DEAF1: variants seen among roughly 807,000 people sequenced by gnomAD.
DEAF1 encodes the protein DEAF1 transcription factor.
A neutral mutation model predicts 58.9 loss-of-function variants in DEAF1; 53 were observed. The ratio of observed to expected loss-of-function variants is 0.90; its 90% CI spans 0.72 to 1.13. The LOEUF (loss-of-function observed/expected upper bound fraction) is 1.13, where lower values mean the gene tolerates loss of function less well. Ranked by LOEUF, DEAF1 falls within the 50% of genes most tolerant of loss-of-function variation. The probability of loss-of-function intolerance (pLI) is 0.00; values close to 1 mark genes in which losing one functional copy is unlikely to be tolerated. For missense variants in DEAF1, 685 were observed against 791.4 expected, an observed-to-expected ratio of 0.87 and a Z score of 1.61; for synonymous variants, 385 against 340.4, an observed-to-expected ratio of 1.13 and a Z score of -1.44.
intron 6 of DEAF1, among the ~76,000 whole-genome samples, chr11:683,351 A>T (rs890418854): frequency 1.3e-5 from 2 of 152,122 alleles, no homozygotes; most frequent in African/African-American, 4.8e-5. Flanking sequence ...TCATTTTTGT[A>T]CCAAGTGTGA....
rs1213375052 is a variant in DEAF1 at position 679,695 on chromosome 11, C to G, written c.1119G>C (p.Gly373=). The G allele has an allele frequency of 1.2e-6, 2 of 1,612,262 alleles. No homozygotes were observed. Among genetic ancestry groups the G allele is most frequent in the South Asian group, 2.2e-5 (2 of 91,086 alleles). The change falls in exon 8 of 12, where the codon GGG becomes GGC. Residue 373 remains glycine, a synonymous_variant. Coordinates refer to ENST00000382409, the MANE Select transcript of DEAF1 (RefSeq NM_021008.4). ...GGCACTGGAGCAGCTCACCTGTGGCCCCTGCGAAGACGTCGCCCTGGGCCG... is the reference window on the plus strand; with the variant it reads ...GGCACTGGAGCAGCTCACCTGTGGCGCCTGCGAAGACGTCGCCCTGGGCCG... The part of the protein sequence containing the change: ...ESPAQGDVFA[G]ATVQEASVQP...
intron 10 of DEAF1, chr11:673,894 T>A (rs1859939604): frequency 6.3e-6 from 1 of 157,858 alleles, no homozygotes. Flanking sequence ...TGAACCTTTA[T>A]ATTACCTCAA....
chr11:704,070 A>G (rs1861617784), intron 1 of DEAF1: 2 of 1,135,158 alleles, frequency 1.8e-6, no homozygotes, highest in Non-Finnish European at 2.2e-6. Context: ...ACACCCAAAT[A>G]TCTAGATATT....
chr11:702,836 C>G (rs144092442), intron 1 of DEAF1: 1 of 1,087,140 alleles, frequency 9.2e-7, no homozygotes, highest in Non-Finnish European at 1.3e-6. Flanking sequence ...CCCGGAGGAA[C>G]GTAGGGCAAG....
intron 1 of DEAF1, chr11:702,906 C>T (rs1861560779): frequency 6.4e-7 from 1 of 1,552,264 alleles, no homozygotes; most frequent in Non-Finnish European, 8.8e-7. Context: ...CCAGGGAGCG[C>T]CTCGCACCAC....
Position 684,935 on chromosome 11 carries a change from G to A in DEAF1, c.833C>T (p.Ser278Phe). 3.2e-6 allele frequency: 5 copies of A among 1,551,650 alleles called. No individual in the cohort carries two copies. The highest frequency in any genetic ancestry group is 3.5e-6 in the Non-Finnish European group (4 of 1,146,996). Residue 278 changes from serine to phenylalanine, a missense_variant, in exon 6 of 12, where the codon TCT (serine) becomes TTT (phenylalanine). Physicochemically the swap from Ser to Phe is radical, Grantham distance 155 (BLOSUM62 -2). Transcript: ENST00000382409. ...QDGILNPHAA[S>F]CTCAACCDDM... Reference sequence around the variant, plus strand: ...GTCGCAGCAGGCAGCACAGGTGCAAGAGGCAGCGTGAGGGTTTAAGATCCC... The same window carrying A: ...GTCGCAGCAGGCAGCACAGGTGCAAAAGGCAGCGTGAGGGTTTAAGATCCC...
intron 10 of DEAF1, among the ~76,000 whole-genome samples, chr11:672,676 G>T (rs768305799): frequency 6.6e-6 from 1 of 151,952 alleles, no homozygotes; most frequent in Non-Finnish European, 1.5e-5. Context: ...GTGAAACCCC[G>T]TCTCTACTAA....
chr11:695,755 G>A (rs1861102978), upstream of DEAF1: 15 of 1,239,224 alleles, frequency 1.2e-5, no homozygotes, highest in Non-Finnish European at 1.4e-5. Context: ...ACGCGAAAAT[G>A]GCCGAAGGAG....
intron 10 of DEAF1, chr11:666,141 C>A (rs1859512394): frequency 6.6e-6 from 1 of 152,274 alleles, no homozygotes; most frequent in Non-Finnish European, 1.5e-5. Flanking sequence ...CTTCGCAGAT[C>A]CAAGACTAAG....
chr11:700,225 C>G (rs748320800), intron 1 of DEAF1: 2 of 1,613,750 alleles, frequency 1.2e-6, no homozygotes, highest in South Asian at 2.2e-5. Flanking sequence ...TCCTGATGAT[C>G]ACGTATAAAA....
chr11:694,475 G>A (rs1022238290), intron 1 of DEAF1: 2 of 336,266 alleles, frequency 5.9e-6, no homozygotes, highest in Non-Finnish European at 1.1e-5. Flanking sequence ...ACCTGGAGCA[G>A]GTACGTGGGG....
chr11:706,998 G>A (rs1245811813), exon 1 of DEAF1, among the ~76,000 whole-genome samples: 2 of 152,012 alleles, frequency 1.3e-5, no homozygotes, highest in Admixed American at 1.3e-4. Context: ...GGGTGTCCCT[G>A]GTGGCAGGGG....
intron 10 of DEAF1, among the ~76,000 whole-genome samples, chr11:654,946 G>A (rs548875223): frequency 5.9e-5 from 9 of 151,478 alleles, no homozygotes; most frequent in Admixed American, 2.0e-4. Context: ...TGAGGTGGGC[G>A]GATCACGAAG....
intron 10 of DEAF1, among the ~76,000 whole-genome samples, chr11:655,572 G>A (rs550262862): frequency 6.5e-4 from 99 of 152,324 alleles, no homozygotes; most frequent in Non-Finnish European, 1.1e-3. Context: ...CAGTGGGTGA[G>A]TGGCAGCGTC....
chr11:684,045 A>G (rs1285883577), intron 6 of DEAF1, among the ~76,000 whole-genome samples: 2 of 152,038 alleles, frequency 1.3e-5, no homozygotes, highest in Admixed American at 6.6e-5. Context: ...CTAGAATCAC[A>G]TGAAATCTAT....
chr11:694,671 C>G, intron 1 of DEAF1, 88 bp downstream of exon 1: 1 of 1,212,070 alleles, frequency 8.3e-7, no homozygotes, highest in Non-Finnish European at 1.0e-6. Flanking sequence ...GTGTGGCGGG[C>G]TGGTCACCTG....
At chr11:652,783 C>A (rs983745785) in intron 11 of DEAF1, among the ~76,000 whole-genome samples, 12 of 151,896 alleles carry the variant, frequency 7.9e-5, no homozygotes, top group Non-Finnish European at 1.6e-4. Context: ...AAAAAACCAT[C>A]AAAAAGATTA....
chr11:702,997 C>G (rs1353963167), intron 1 of DEAF1: 1 of 1,612,004 alleles, frequency 6.2e-7, no homozygotes, highest in South Asian at 1.1e-5. Flanking sequence ...CCAGCCTGGC[C>G]CTCACGGCTG....
At chr11:694,606 A>G (rs1590027050) in intron 1 of DEAF1, 153 bp downstream of exon 1, 1 of 593,976 alleles carries the variant, frequency 1.7e-6, no homozygotes. Context: ...TGTGAGGGGC[A>G]GGTGTGCAGG....
Sources: gnomAD v4.1 joint callset for allele counts (sites outside exome capture counted in the v4.1 genomes callset) on GRCh38, gnomAD v4.1.1 for gene constraint, MANE v1.5 for transcripts, NCBI Gene and HGNC (gene_info 2026-07-23, HGNC 2026-07-21) for gene names.